Variants in CNKSR3 observed in about 807,000 individuals in gnomAD.
CNKSR3 encodes connector enhancer of kinase suppressor of ras 3.
CNKSR3 carries 36 observed loss-of-function variants against 67.7 expected under a neutral mutation model. The ratio of observed to expected loss-of-function variants is 0.53; its 90% CI spans 0.41 to 0.70. The LOEUF is 0.70. CNKSR3 is among the 30% of genes least tolerant of loss of function. The pLI is 0.00. For synonymous variants in CNKSR3, 281 were observed against 271.4 expected, an observed-to-expected ratio of 1.04 and a Z score of -0.35; for missense variants, 630 against 695.2, an observed-to-expected ratio of 0.91 and a Z score of 1.05.
rs764564566 is a variant in CNKSR3, at chr6:154,406,458, C to G, written c.1564G>C (p.Glu522Gln). ...HSSATIPFQE[E>Q]GTKKKSGSSA... ...GAGCCAGATTTCTTTTTGGTCCCTTCCTCCTGGAATGGAATCGTGGCGCTG... is the reference window on the plus strand; with the variant it reads ...GAGCCAGATTTCTTTTTGGTCCCTTGCTCCTGGAATGGAATCGTGGCGCTG... Residue 522 changes from glutamate to glutamine, a missense_variant, in exon 13 of 13, where the codon GAA (glutamate) becomes CAA (glutamine). Glu to Gln is a conservative substitution (Grantham distance 29). Around this residue, in one of 3 missense-constraint regions of CNKSR3, gnomAD observed 308 missense variants for 299.6 expected, o/e 1.03. Coordinates refer to ENST00000607772, the MANE Select transcript of CNKSR3 (RefSeq NM_173515.4). 1 of 1,614,180 alleles carries G rather than the reference C, an allele frequency of 6.2e-7. No homozygotes were observed. Among genetic ancestry groups the G allele is most frequent in the South Asian group, 1.1e-5 (1 of 91,086 alleles).
At position 154,395,223 on chromosome 6, in the gene CNKSR3, T is replaced by C. The variant is rs1269774936; in HGVS notation, c.*11131A>G. 6.6e-6 allele frequency: 1 copy of C among 152,180 alleles called. No individual in the cohort carries two copies. The highest frequency in any genetic ancestry group is 1.5e-5 in the Non-Finnish European group (1 of 68,030). The allele number at this position is 152,180 out of a possible 1,614,324, so 9.4% of individuals were successfully genotyped here. A position where few individuals can be genotyped will look rare whatever the true frequency, so the allele number is the denominator to read the frequency against. ...TTGCCAAGAAGAGAATTCAATCCCA[T>C]TTCCCATGTAATGAGTGAAGGGTAG... On this transcript the variant is annotated 3_prime_UTR_variant, in exon 13 of 13. Transcript: ENST00000607772.
intron 9 of CNKSR3, chr6:154,414,709 T>A: frequency 1.8e-6 from 1 of 557,596 alleles, no homozygotes; most frequent in Non-Finnish European, 3.6e-6. Context: ...TAAACATCTG[T>A]GGCCTCCCTT....
At chr6:154,451,573 C>T (rs1785834304) in intron 1 of CNKSR3, among the ~76,000 whole-genome samples, 1 of 152,106 alleles carries the variant, frequency 6.6e-6, no homozygotes, top group Non-Finnish European at 1.5e-5. Context: ...TTCATTTAAT[C>T]CTCACAAAAC....
chr6:154,422,640 G>A lies in CNKSR3; in HGVS notation c.811C>T (p.Leu271=). Residue 271 remains leucine, a synonymous_variant, in exon 9 of 13, where the codon CTG becomes TTG. Coordinates refer to ENST00000607772, the MANE Select transcript of CNKSR3 (RefSeq NM_173515.4). The stretch of plus-strand genomic sequence containing the variant: ...CTCAATTTCTTCACCAGATTTTTCA[G>A]CTGCCATCCCACCTTCAAAGAAAGC... ...VNQQTVVGWQ[L]KNLVKKLREN... 6.2e-7 allele frequency: 1 copy of A among 1,613,308 alleles called. No homozygotes were observed. The highest frequency in any genetic ancestry group is 8.5e-7 in the Non-Finnish European group (1 of 1,180,008).
At chr6:154,495,454 G>A (rs959385774) in intron 1 of CNKSR3, among the ~76,000 whole-genome samples, 28 of 148,890 alleles carry the variant, frequency 1.9e-4, no homozygotes, top group Admixed American at 4.7e-4. Context: ...CTGTAGCCTC[G>A]AACTCCTAGG....
At chr6:154,423,604 C>T (rs1785192529) in intron 7 of CNKSR3, among the ~76,000 whole-genome samples, 1 of 152,154 alleles carries the variant, frequency 6.6e-6, no homozygotes, top group Non-Finnish European at 1.5e-5. Context: ...ATTGGTTCAT[C>T]TAAAAAAATT....
intron 1 of CNKSR3, among the ~76,000 whole-genome samples, chr6:154,463,193 C>A (rs1442979965): frequency 6.6e-6 from 1 of 151,722 alleles, no homozygotes; most frequent in East Asian, 1.9e-4. Flanking sequence ...CCTCAGCCTC[C>A]CGAGTAGCTG....
chr6:154,498,435 G>A (rs980703344), intron 1 of CNKSR3, among the ~76,000 whole-genome samples: 1 of 151,236 alleles, frequency 6.6e-6, no homozygotes, highest in African/African-American at 2.4e-5. Flanking sequence ...CATTTGACAA[G>A]AACAAAAAAA....
At chr6:154,450,291 C>T in intron 1 of CNKSR3, 33 bp from the exon 2 acceptor site, 1 of 1,607,126 alleles carries the variant, frequency 6.2e-7, no homozygotes, top group African/African-American at 1.3e-5. Context: ...CCATTATTGC[C>T]ATTTTGTTCC....
At chr6:154,507,560 T>C (rs1466292901) in intron 1 of CNKSR3, among the ~76,000 whole-genome samples, 1 of 152,132 alleles carries the variant, frequency 6.6e-6, no homozygotes, top group African/African-American at 2.4e-5. Context: ...ATCATTATTA[T>C]GAGAAATATT....
intron 4 of CNKSR3, among the ~76,000 whole-genome samples, chr6:154,436,258 G>T (rs577598268): frequency 6.6e-6 from 1 of 152,248 alleles, no homozygotes; most frequent in South Asian, 2.1e-4. Flanking sequence ...TGCAGCCTCC[G>T]CTTCCCAAGC....
At chr6:154,408,582 C>T (rs909258165) in intron 12 of CNKSR3, among the ~76,000 whole-genome samples, 2 of 152,136 alleles carry the variant, frequency 1.3e-5, no homozygotes, top group African/African-American at 2.4e-5. Flanking sequence ...ATGTCCAGAA[C>T]AGGCAAATCC....
At chr6:154,445,645 T>C (rs1338345208) in intron 2 of CNKSR3, among the ~76,000 whole-genome samples, 1 of 152,236 alleles carries the variant, frequency 6.6e-6, no homozygotes, top group Non-Finnish European at 1.5e-5. Context: ...GAGCATTTTA[T>C]TGTTGCAAGA....
chr6:154,481,488 A>C (rs915288758), intron 1 of CNKSR3, among the ~76,000 whole-genome samples: 1 of 152,226 alleles, frequency 6.6e-6, no homozygotes, highest in African/African-American at 2.4e-5. Flanking sequence ...TAAGTCACTG[A>C]GCATGAAAGT....
intron 2 of CNKSR3, among the ~76,000 whole-genome samples, chr6:154,443,865 T>C (rs1785655153): frequency 6.6e-6 from 1 of 152,168 alleles, no homozygotes; most frequent in Non-Finnish European, 1.5e-5. Flanking sequence ...TCTCAATCAA[T>C]CAATAAAATT....
chr6:154,474,428 G>C (rs978628767), intron 1 of CNKSR3, among the ~76,000 whole-genome samples: 29 of 73,674 alleles, frequency 3.9e-4, no homozygotes, highest in African/African-American at 2.0e-3. Context: ...AAAAAAAGTG[G>C]GGGGGGGCAA....
At chr6:154,505,795 T>C (rs941861682) in intron 1 of CNKSR3, among the ~76,000 whole-genome samples, 8 of 148,834 alleles carry the variant, frequency 5.4e-5, no homozygotes, top group Admixed American at 6.6e-5. Flanking sequence ...CCACCGCGCC[T>C]GGCCAACTAC....
intron 10 of CNKSR3, among the ~76,000 whole-genome samples, chr6:154,412,191 A>G (rs1170281612): frequency 6.6e-6 from 1 of 152,146 alleles, no homozygotes; most frequent in Non-Finnish European, 1.5e-5. Context: ...GCATCCACCT[A>G]CCCCTCCCAC....
In CNKSR3 at chr6:154,406,670, C is replaced by G. The variant is rs375480984; in HGVS notation, c.1370-18G>C. On this transcript the variant is annotated intron_variant, in intron 12 of 12. Transcript: ENST00000607772. ...ATCCTCCCCTGTTTCCAGACAAAGT[C>G]CATTAAGTCACAATCCCAGCCGGGC... The G allele has an allele frequency of 6.2e-7, 1 of 1,601,214 alleles. No individual in the cohort carries two copies. Among genetic ancestry groups the G allele is most frequent in the Non-Finnish European group, 8.5e-7 (1 of 1,172,286 alleles).
Sources: gnomAD v4.1 joint callset for allele counts (sites outside exome capture counted in the v4.1 genomes callset) on GRCh38, gnomAD v4.1.1 for gene constraint, gnomAD v4.1.1 regional missense constraint, MANE v1.5 for transcripts, NCBI Gene and HGNC (gene_info 2026-07-23, HGNC 2026-07-21) for gene names.